FCGR2B: variants seen among roughly 807,000 people sequenced by gnomAD.
FCGR2B encodes the protein low affinity immunoglobulin gamma Fc region receptor II-b.
FCGR2B carries 18 observed loss-of-function variants against 24.8 expected under a neutral mutation model. The ratio of observed to expected loss-of-function variants is 0.73; its 90% confidence interval spans 0.50 to 1.08. The LOEUF is 1.08. Ranked by LOEUF, FCGR2B falls within the 50% of genes least tolerant of loss-of-function variation. FCGR2B has a pLI of 0.00. For missense variants in FCGR2B, 215 were observed against 297.6 expected, an observed-to-expected ratio of 0.72 and a Z score of 2.04; for synonymous variants, 79 against 109.8, an observed-to-expected ratio of 0.72 and a Z score of 1.75.
the FCGR2B span, among the ~76,000 whole-genome samples, chr1:161,652,006 A>T: frequency 2.4e-5 from 3 of 126,538 alleles, no homozygotes; most frequent in South Asian, 8.7e-4. Context: ...ATAATGCTCT[A>T]TCTGTGATTT....
chr1:161,650,021 T>A, the FCGR2B span, among the ~76,000 whole-genome samples: 10 of 150,690 alleles, frequency 6.6e-5, no homozygotes, highest in Admixed American at 3.3e-4. Context: ...GTGTGTTTTA[T>A]TTTTTAGACA....
the FCGR2B span, among the ~76,000 whole-genome samples, chr1:161,648,493 C>T: frequency 6.7e-6 from 1 of 149,674 alleles, no homozygotes; most frequent in Non-Finnish European, 1.5e-5. Flanking sequence ...TTTTTATGTG[C>T]TTATTTGGTC....
upstream of FCGR2B, among the ~76,000 whole-genome samples, chr1:161,661,262 G>GAAA (rs1557895338): frequency 2.0e-3 from 48 of 24,426 alleles, 1 homozygote; most frequent in Non-Finnish European, 4.7e-3. Context: ...AAGAAAGAAA[G>GAAA]GAAGGAAGCA....
chr1:161,656,376 C>T, the FCGR2B span, among the ~76,000 whole-genome samples: 2 of 114,346 alleles, frequency 1.7e-5, no homozygotes, highest in Non-Finnish European at 4.0e-5. Context: ...GGTTAGAGCA[C>T]TGCATATGGG....
chr1:161,671,719 G>C, intron 3 of FCGR2B, 70 bp downstream of exon 3: 4 of 1,603,600 alleles, frequency 2.5e-6, no homozygotes, highest in Non-Finnish European at 3.4e-6. Context: ...TCAGGCAGAG[G>C]TTTGCAGGAA....
chr1:161,676,545 G>A (rs1393694194), intron 6 of FCGR2B: 6 of 168,240 alleles, frequency 3.6e-5, no homozygotes, highest in Non-Finnish European at 3.9e-5. Context: ...AAGCTGGGTT[G>A]CTGGGATTCT....
Position 161,678,211 on chromosome 1 carries a change from C to T in FCGR2B, c.*658C>T, listed in dbSNP as rs1682299989. ...GGGATTTAGAATGTAGAGTGAGTGC[C>T]CCTTTTCTTAAAACTGAATACAGTC... On this transcript the variant is annotated 3_prime_UTR_variant, in exon 8 of 8. Transcript: ENST00000358671. The T allele has an allele frequency of 4.5e-6, 1 of 221,820 alleles. No individual in the cohort carries two copies. 13.7% of individuals were successfully genotyped at this position (221,820 alleles called of 1,614,324 possible).
intron 5 of FCGR2B, chr1:161,674,350 G>A: frequency 3.0e-6 from 1 of 334,740 alleles, no homozygotes; most frequent in South Asian, 2.4e-5. Context: ...GGAAGACAGG[G>A]TCATTATAAT....
chr1:161,661,234 GAAAGAAAGA>G (rs1557895112), upstream of FCGR2B, among the ~76,000 whole-genome samples: 2 of 76,050 alleles, frequency 2.6e-5, no homozygotes, highest in African/African-American at 4.5e-5. Flanking sequence ...AAGAAAGAAA[GAAAGAAAGA>G]AAGAAAGAAA....
intron 4 of FCGR2B, chr1:161,673,537 C>G (rs1674777): frequency 0.11 from 79,484 of 699,890 alleles, 6,218 homozygotes; most frequent in Non-Finnish European, 0.14. Context: ...CTGGGCATTC[C>G]TAAGAACTGA....
the FCGR2B span, among the ~76,000 whole-genome samples, chr1:161,653,192 T>C: frequency 7.5e-6 from 1 of 133,034 alleles, no homozygotes; most frequent in Non-Finnish European, 1.7e-5. Flanking sequence ...TCACCTGAGG[T>C]CAGAAGTTCG....
the FCGR2B span, among the ~76,000 whole-genome samples, chr1:161,650,185 A>G: frequency 5.4e-5 from 8 of 147,974 alleles, no homozygotes; most frequent in Non-Finnish European, 8.9e-5. Flanking sequence ...TATTTTTAGT[A>G]GAGATGGGGT....
chr1:161,655,949 G>A, the FCGR2B span, among the ~76,000 whole-genome samples: 3 of 110,024 alleles, frequency 2.7e-5, no homozygotes, highest in Non-Finnish European at 6.3e-5. Flanking sequence ...TCCACCTCCC[G>A]GGTTCAAGCA....
chr1:161,671,251 T>G, intron 2 of FCGR2B, 141 bp from the exon 3 acceptor site: 1 of 1,399,184 alleles, frequency 7.1e-7, no homozygotes, highest in Non-Finnish European at 9.7e-7. Context: ...GCAACTGCCT[T>G]CAGTTGCAGA....
chr1:161,677,437 T>G (rs1441257943), intron 7 of FCGR2B, 39 bp from the exon 8 acceptor site: 2 of 1,607,928 alleles, frequency 1.2e-6, no homozygotes, highest in Admixed American at 3.3e-5. Context: ...TCCTAGGCCC[T>G]CTCTGTGGAT....
At chr1:161,651,753 G>A in the FCGR2B span, among the ~76,000 whole-genome samples, 1 of 119,526 alleles carries the variant, frequency 8.4e-6, no homozygotes, top group Non-Finnish European at 1.9e-5. Context: ...TGACAACATG[G>A]AGAAACCCCA....
the FCGR2B span, among the ~76,000 whole-genome samples, chr1:161,647,321 A>G: frequency 2.9e-5 from 3 of 103,876 alleles, no homozygotes; most frequent in African/African-American, 9.2e-5. Context: ...TTTTTTTGAG[A>G]TTGAGTCTCG....
chr1:161,671,741 C>G, intron 3 of FCGR2B, 92 bp downstream of exon 3: 1 of 1,588,632 alleles, frequency 6.3e-7, no homozygotes, highest in African/African-American at 1.3e-5. Context: ...GGGGGGTGGC[C>G]TGCTTACTGG....
intron 1 of FCGR2B, among the ~76,000 whole-genome samples, chr1:161,669,574 CAAAATAAAATAAAAT>C (rs3039548): frequency 0.026 from 3,229 of 122,760 alleles, 256 homozygotes; most frequent in African/African-American, 0.04. Flanking sequence ...TGTCCCCCCA[CAAAATAAAATAAAAT>C]AAAATAAAAT....
Sources: allele counts gnomAD v4.1 joint callset (sites outside exome capture counted in the v4.1 genomes callset), GRCh38; gene constraint gnomAD v4.1.1; transcripts MANE v1.5; gene names NCBI Gene and HGNC (gene_info 2026-07-23, HGNC 2026-07-21).